Variants in KLF7 observed in about 807,000 individuals in gnomAD.
KLF7 encodes the protein Krueppel-like factor 7.
Under a neutral mutation model 27.3 loss-of-function variants are expected in KLF7, and 2 were observed. The ratio of observed to expected loss-of-function variants is 0.07; its 90% CI spans 0.03 to 0.23. KLF7 has a LOEUF of 0.23. KLF7 is among the 10% of genes least tolerant of loss of function. KLF7 has a pLI of 1.00. For synonymous variants in KLF7, 165 were observed against 162.4 expected (o/e 1.02, Z -0.12); for missense variants, 221 against 394.1 (o/e 0.56, Z 3.72).
chr2:207,077,339 C>T lies in KLF7; in HGVS notation c.*3874G>A, dbSNP rs2076192667. The T allele has an allele frequency of 6.6e-6, 1 of 152,274 alleles. No homozygotes were observed. Among genetic ancestry groups the T allele is most frequent in the Admixed American group, 6.5e-5 (1 of 15,302 alleles). The allele number at this position is 152,274 out of a possible 1,614,324, so 9.4% of individuals were successfully genotyped here. ...TGGAAAGCTTATCCCAAACAAAAGTCCTTATAAAATCTTCTCTGAAGCCAG... is the reference window on the plus strand; with the variant it reads ...TGGAAAGCTTATCCCAAACAAAAGTTCTTATAAAATCTTCTCTGAAGCCAG... On this transcript the variant is annotated 3_prime_UTR_variant, in exon 4 of 4. Coordinates refer to ENST00000309446, the MANE Select transcript of KLF7 (RefSeq NM_003709.4).
intron 1 of KLF7, among the ~76,000 whole-genome samples, chr2:207,135,860 G>A (rs918709118): frequency 2.6e-5 from 4 of 152,186 alleles, no homozygotes; most frequent in East Asian, 3.9e-4. Flanking sequence ...GGACAGATCC[G>A]GATTTCTAAA....
intron 2 of KLF7, among the ~76,000 whole-genome samples, chr2:207,119,609 G>A (rs1188246595): frequency 1.3e-5 from 2 of 152,188 alleles, no homozygotes; most frequent in Non-Finnish European, 2.9e-5. Context: ...GAGTAGGAGA[G>A]AAAGGTCTGC....
chr2:207,085,106 G>A (rs1559109400), intron 3 of KLF7, among the ~76,000 whole-genome samples: 1 of 139,694 alleles, frequency 7.2e-6, no homozygotes, highest in Non-Finnish European at 1.5e-5. Context: ...AGGTTGCAGT[G>A]AGCCGAGATC....
intron 2 of KLF7, among the ~76,000 whole-genome samples, chr2:207,100,960 G>C (rs1432646386): frequency 6.6e-6 from 1 of 152,208 alleles, no homozygotes; most frequent in Non-Finnish European, 1.5e-5. Context: ...CACAGGCTCA[G>C]ACACACTGTA....
At position 207,123,765 on chromosome 2, in the gene KLF7, T is replaced by C. The variant is rs770464595; in HGVS notation, c.733+9A>G. 2.4e-5 allele frequency: 39 copies of C among 1,606,732 alleles called. No homozygotes were observed. Among genetic ancestry groups the C allele is most frequent in the Non-Finnish European group, 3.0e-5 (35 of 1,176,122 alleles). ...GAAGAAACCACGTGCGGCCAACTTG[T>C]ACCACTACCTGTGTGAGTCCTCTGG... On this transcript the variant is annotated intron_variant, in intron 2 of 3. Coordinates refer to ENST00000309446, the MANE Select transcript of KLF7 (RefSeq NM_003709.4).
intron 2 of KLF7, among the ~76,000 whole-genome samples, chr2:207,101,513 G>A (rs1485242216): frequency 6.6e-6 from 1 of 152,288 alleles, no homozygotes; most frequent in Non-Finnish European, 1.5e-5. Flanking sequence ...ATGCACAAAG[G>A]CCCAGAGATA....
At chr2:207,113,775 A>C (rs1559132042) in intron 2 of KLF7, among the ~76,000 whole-genome samples, 5 of 152,034 alleles carry the variant, frequency 3.3e-5, no homozygotes, top group African/African-American at 1.2e-4. Flanking sequence ...TGTCTGTTGC[A>C]TTTTCCCCCT....
At chr2:207,150,254 G>A (rs2078205514) in intron 1 of KLF7, among the ~76,000 whole-genome samples, 1 of 152,114 alleles carries the variant, frequency 6.6e-6, no homozygotes, top group Non-Finnish European at 1.5e-5. Flanking sequence ...CACAGACTAA[G>A]TTTACTTTGC....
chr2:207,168,487 G>C (rs1252208681), upstream of KLF7, among the ~76,000 whole-genome samples: 3 of 152,162 alleles, frequency 2.0e-5, no homozygotes, highest in East Asian at 5.8e-4. Context: ...AAATCCAAGA[G>C]CATCTGACTC....
chr2:207,160,341 T>C (rs116600642), intron 1 of KLF7, among the ~76,000 whole-genome samples: 119 of 152,282 alleles, frequency 7.8e-4, no homozygotes, highest in Admixed American at 1.4e-3. Flanking sequence ...TCAAGTTAAG[T>C]TGGGGAGCTG....
At chr2:207,135,472 A>T (rs1184079716) in intron 1 of KLF7, among the ~76,000 whole-genome samples, 1 of 137,404 alleles carries the variant, frequency 7.3e-6, no homozygotes, top group Non-Finnish European at 1.6e-5. Flanking sequence ...CCATGGATAC[A>T]AGCCTCACAA....
intron 1 of KLF7, among the ~76,000 whole-genome samples, chr2:207,161,305 A>G (rs1219834934): frequency 6.6e-6 from 1 of 152,216 alleles, no homozygotes; most frequent in Non-Finnish European, 1.5e-5. Context: ...GCTGTTTCAA[A>G]TAAAGAAACA....
intron 1 of KLF7, chr2:207,134,260 C>A: frequency 1.4e-6 from 1 of 712,270 alleles, no homozygotes; most frequent in Non-Finnish European, 2.2e-6. Flanking sequence ...TTCCCCTACC[C>A]CCATAAAAAA....
chr2:207,089,481 C>CA (rs536371283), intron 2 of KLF7, among the ~76,000 whole-genome samples: 21 of 152,044 alleles, frequency 1.4e-4, no homozygotes, highest in African/African-American at 5.1e-4. Context: ...TGTCTGTCAC[C>CA]AAACATGACA....
At chr2:207,157,219 T>TGAAAAAAAA (rs1491268311) in intron 1 of KLF7, among the ~76,000 whole-genome samples, 1 of 87,314 alleles carries the variant, frequency 1.1e-5, no homozygotes, top group South Asian at 4.1e-4. Context: ...AACAGAAAAG[T>TGAAAAAAAA]AAAAAAAAAA....
chr2:207,158,575 C>A (rs189549090), intron 1 of KLF7, among the ~76,000 whole-genome samples: 2 of 152,252 alleles, frequency 1.3e-5, no homozygotes, highest in East Asian at 3.9e-4. Flanking sequence ...CCACTGCACA[C>A]CCTTCATACT....
At chr2:207,141,735 C>A (rs2077948234) in intron 1 of KLF7, among the ~76,000 whole-genome samples, 1 of 152,130 alleles carries the variant, frequency 6.6e-6, no homozygotes, top group East Asian at 1.9e-4. Flanking sequence ...CAGTCTGAGC[C>A]TTCTGTTTCA....
intron 1 of KLF7, among the ~76,000 whole-genome samples, chr2:207,156,986 G>A (rs1353818706): frequency 6.6e-6 from 1 of 152,096 alleles, no homozygotes; most frequent in Non-Finnish European, 1.5e-5. Flanking sequence ...TTCCCAAAGA[G>A]ATACTGATTT....
At chr2:207,098,866 G>A (rs1035292945) in intron 2 of KLF7, among the ~76,000 whole-genome samples, 5 of 128,980 alleles carry the variant, frequency 3.9e-5, no homozygotes, top group African/African-American at 9.0e-5. Context: ...GTGATCCCCC[G>A]ACCTCAGCCT....
Sources: gnomAD v4.1 joint callset for allele counts (sites outside exome capture counted in the v4.1 genomes callset) on GRCh38, gnomAD v4.1.1 for gene constraint, MANE v1.5 for transcripts, NCBI Gene and HGNC (gene_info 2026-07-23, HGNC 2026-07-21) for gene names.